The following TGIF1 variants were observed in gnomAD, a reference collection of about 807,000 sequenced individuals.
TGIF1 encodes TGFB induced factor homeobox 1, also known as homeobox protein TGIF1.
A neutral mutation model predicts 19.3 loss-of-function variants in TGIF1; 4 were observed. The observed-to-expected ratio is 0.21, with a 90% confidence interval of 0.10 to 0.47. The LOEUF is 0.47. TGIF1 is among the 20% of genes least tolerant of loss of function. The pLI is 0.98. For synonymous variants in TGIF1, 122 were observed against 129.3 expected, an observed-to-expected ratio of 0.94 and a Z score of 0.38; for missense variants, 275 against 341.4, an observed-to-expected ratio of 0.81 and a Z score of 1.53.
intron 2 of TGIF1, among the ~76,000 whole-genome samples, chr18:3,428,775 C>T (rs2082508597): frequency 6.6e-6 from 1 of 151,870 alleles, no homozygotes; most frequent in African/African-American, 2.4e-5. Flanking sequence ...GGCGCAGTGG[C>T]TCACGCCTGA....
At chr18:3,428,176 G>C (rs2082498705) in intron 2 of TGIF1, among the ~76,000 whole-genome samples, 1 of 152,208 alleles carries the variant, frequency 6.6e-6, no homozygotes. Context: ...GGGCTGGGGG[G>C]AGGGAGAGAC....
At position 3,457,939 on chromosome 18, in the gene TGIF1, A is replaced by T; in HGVS notation, c.818A>T (p.Ter273LeuextTer21). 1 of 1,600,074 alleles carries T rather than the reference A, an allele frequency of 6.2e-7. No individual in the cohort carries two copies. The highest frequency in any genetic ancestry group is 2.2e-5 in the East Asian group (1 of 44,894). The stretch of plus-strand genomic sequence containing the variant: ...GAGCTTCAGGCAAAACTTACAGCTT[A>T]ACCCATTTTCAAGCAAAACAGTTCT... The part of the protein sequence containing the change: ...EMELQAKLTA[*>L] The change falls in exon 3 of 3, where the codon TAA becomes TTA. Residue 273 changes from the stop codon to leucine (L), a stop_lost. Coordinates refer to ENST00000343820, the MANE Select transcript of TGIF1 (RefSeq NM_003244.4). This position sits in a 1 kb window ranked among gnomAD's most constrained non-coding sequence, Gnocchi z 4.9.
At chr18:3,455,509 G>A (rs977099622) in intron 1 of TGIF1, 1 of 152,164 alleles carries the variant, frequency 6.6e-6, no homozygotes, top group Non-Finnish European at 1.5e-5. Flanking sequence ...TTATTGATAT[G>A]TAGTATTCTA....
chr18:3,430,525 C>T (rs959857375), intron 2 of TGIF1, among the ~76,000 whole-genome samples: 10 of 151,912 alleles, frequency 6.6e-5, no homozygotes, highest in Non-Finnish European at 8.8e-5. Flanking sequence ...TTTTTTGAGA[C>T]GAAGTCTTGC....
At chr18:3,455,216 A>G (rs1335912329) in intron 1 of TGIF1, 1 of 152,128 alleles carries the variant, frequency 6.6e-6, no homozygotes, top group Non-Finnish European at 1.5e-5. Flanking sequence ...AAAAGAATGT[A>G]TTTCTTTAGT....
At chr18:3,416,473 G>A (rs1363526836) in intron 1 of TGIF1, among the ~76,000 whole-genome samples, 2 of 151,750 alleles carry the variant, frequency 1.3e-5, no homozygotes, top group South Asian at 2.1e-4. Context: ...CCGAGATCAC[G>A]CCACTGCACT....
At chr18:3,426,782 A>C (rs2082475249) in intron 2 of TGIF1, among the ~76,000 whole-genome samples, 1 of 152,236 alleles carries the variant, frequency 6.6e-6, no homozygotes, top group African/African-American at 2.4e-5. Flanking sequence ...ATGAAAATAC[A>C]TGTGAACAAG....
intron 2 of TGIF1, among the ~76,000 whole-genome samples, chr18:3,435,342 G>A (rs1339797368): frequency 2.0e-5 from 3 of 151,914 alleles, no homozygotes; most frequent in African/African-American, 4.8e-5. Flanking sequence ...GACTGCAGGC[G>A]CATGCTGCCA....
chr18:3,412,151 G>C (rs966700389), exon 1 of TGIF1: 1 of 152,356 alleles, frequency 6.6e-6, no homozygotes, highest in African/African-American at 2.4e-5. Context: ...TGCGGTTCCA[G>C]CCCCGCCGCG....
chr18:3,442,645 G>A (rs1360825129), intron 2 of TGIF1, among the ~76,000 whole-genome samples: 1 of 152,174 alleles, frequency 6.6e-6, no homozygotes, highest in African/African-American at 2.4e-5. Context: ...AGCACTTTGG[G>A]AGACTGAGAT....
In TGIF1 at chr18:3,451,484, G is replaced by A; in HGVS notation, c.16+979G>A. On this transcript the variant is annotated intron_variant, in intron 1 of 2. Transcript: ENST00000343820. This position sits in a 1 kb window ranked among gnomAD's most constrained non-coding sequence, Gnocchi z 5.4. ...GCTGTGGGCTGGAGGTGGCGTTTCT[G>A]TCGTGATTTATGTGGAGTGGTTCAA... is the stretch of plus-strand genomic sequence containing the variant. 1.0e-6 allele frequency: 1 copy of A among 988,518 alleles called. No homozygotes were observed. 61.2% of individuals were successfully genotyped at this position (988,518 alleles called of 1,614,324 possible).
At chr18:3,446,206 C>T (rs2082744239), upstream of TGIF1, among the ~76,000 whole-genome samples, 1 of 152,130 alleles carries the variant, frequency 6.6e-6, no homozygotes, top group South Asian at 2.1e-4. Context: ...GTTTTTGAGA[C>T]AGAGTCTTGC....
In TGIF1 at chr18:3,457,288, G is replaced by T. The variant is rs34529131; in HGVS notation, c.244-77G>T. 2.3e-4 allele frequency: 320 copies of T among 1,404,450 alleles called. 1 individual carries two copies. In the East Asian group the frequency reaches 6.0e-3, roughly 26 times the overall value. 87.0% of individuals were successfully genotyped at this position (1,404,450 alleles called of 1,614,324 possible). A position where few individuals can be genotyped will look rare whatever the true frequency, so the allele number is the denominator to read the frequency against. ...TAATTCAGAGAGCAAGATCAATTAG[G>T]TACCCCATAGAACATTCTCAGAACC... is the stretch of plus-strand genomic sequence containing the variant. On this transcript the variant is annotated intron_variant, in intron 2 of 2. Transcript: ENST00000343820. This position sits in a 1 kb window ranked among gnomAD's most constrained non-coding sequence, Gnocchi z 4.9.
chr18:3,434,903 A>G (rs536103599), intron 2 of TGIF1, among the ~76,000 whole-genome samples: 26 of 152,320 alleles, frequency 1.7e-4, no homozygotes, highest in African/African-American at 5.8e-4. Flanking sequence ...TGTGAACAGG[A>G]AAAATAAAGC....
rs1481742862 is a variant in TGIF1, at chr18:3,458,086, G to A, written c.*146G>A. On this transcript the variant is annotated 3_prime_UTR_variant, in exon 3 of 3. Coordinates refer to ENST00000343820, the MANE Select transcript of TGIF1 (RefSeq NM_003244.4). ...TTCCTGTTACTGAGATGTCTTCAAT[G>A]GAATACAGTCATTCCAAGAACTATA... 2.9e-6 allele frequency: 2 copies of A among 697,332 alleles called. No homozygotes were observed. Among genetic ancestry groups the A allele is most frequent in the African/African-American group, 3.6e-5 (2 of 55,644 alleles). The allele number at this position is 697,332 out of a possible 1,614,324, so 43.2% of individuals were successfully genotyped here.
Position 3,458,021 on chromosome 18 carries a change from AT to A in TGIF1, c.*87del. 1 of 1,284,164 alleles carries A rather than the reference AT, an allele frequency of 7.8e-7. No homozygotes were observed. The highest frequency in any genetic ancestry group is 1.1e-6 in the Non-Finnish European group (1 of 923,580). 79.5% of individuals were successfully genotyped at this position (1,284,164 alleles called of 1,614,324 possible). A position where few individuals can be genotyped will look rare whatever the true frequency, so the allele number is the denominator to read the frequency against. Reference sequence around the variant, plus strand: ...AGAGATGAATTGCATTATTTTATATATTTTTTATTAATATTTGCACATGGGA... The same window carrying A: ...AGAGATGAATTGCATTATTTTATATATTTTTATTAATATTTGCACATGGGA... On this transcript the variant is annotated 3_prime_UTR_variant, in exon 3 of 3. Coordinates refer to ENST00000343820, the MANE Select transcript of TGIF1 (RefSeq NM_003244.4).
At chr18:3,447,770 G>C, upstream of TGIF1, 1 of 1,614,136 alleles carries the variant, frequency 6.2e-7, no homozygotes, top group Non-Finnish European at 8.5e-7. Flanking sequence ...TTGTGCATTG[G>C]CCCGATCAAG....
At chr18:3,433,427 G>A (rs7235674) in intron 2 of TGIF1, among the ~76,000 whole-genome samples, 23,750 of 152,190 alleles carry the variant, frequency 0.16, 2,518 homozygotes, top group African/African-American at 0.29. Flanking sequence ...ATTACAAGAC[G>A]AAAGTAATAC....
chr18:3,452,465 TC>T, intron 1 of TGIF1: 3 of 1,593,820 alleles, frequency 1.9e-6, no homozygotes, highest in Non-Finnish European at 2.6e-6. Flanking sequence ...CGGGTTTCTT[TC>T]CCCTTTTAGG....
Sources: gnomAD v4.1 joint callset for allele counts (sites outside exome capture counted in the v4.1 genomes callset) on GRCh38, gnomAD v4.1.1 for gene constraint, Gnocchi (gnomAD v3.1) non-coding constraint, MANE v1.5 for transcripts, NCBI Gene and HGNC (gene_info 2026-07-23, HGNC 2026-07-21) for gene names.